ABHD12B: variants seen among roughly 807,000 people sequenced by gnomAD.
ABHD12B encodes abhydrolase domain containing 12B.
Under a neutral mutation model 50.4 loss-of-function variants are expected in ABHD12B, and 42 were observed. The observed-to-expected ratio is 0.83, with a 90% confidence interval of 0.65 to 1.08. The LOEUF is 1.08. Ranked by LOEUF, ABHD12B falls within the 50% of genes least tolerant of loss-of-function variation. The probability of loss-of-function intolerance (pLI) is 0.00; values close to 1 mark genes in which losing one functional copy is unlikely to be tolerated. For synonymous variants in ABHD12B, 167 were observed against 160.3 expected (o/e 1.04, Z -0.32); for missense variants, 479 against 447.7 (o/e 1.07, Z -0.63).
At chr14:50,896,698 A>G (rs773421977) in intron 9 of ABHD12B, among the ~76,000 whole-genome samples, 7 of 150,396 alleles carry the variant, frequency 4.7e-5, no homozygotes, top group Non-Finnish European at 8.9e-5. Context: ...CCTGCCCACC[A>G]GAGAGCAACC....
chr14:50,884,493 C>T (rs2050006173), intron 5 of ABHD12B, among the ~76,000 whole-genome samples: 1 of 152,096 alleles, frequency 6.6e-6, no homozygotes, highest in Non-Finnish European at 1.5e-5. Flanking sequence ...AGGGGCAGAC[C>T]CAGGAGTGAA....
intron 5 of ABHD12B, 50 bp downstream of exon 5, chr14:50,881,676 T>C: frequency 6.2e-7 from 1 of 1,608,406 alleles, no homozygotes; most frequent in African/African-American, 1.3e-5. Context: ...CTGTTTGATA[T>C]GTCATAAGAT....
At chr14:50,897,544 C>G (rs1034556387) in intron 9 of ABHD12B, among the ~76,000 whole-genome samples, 1 of 152,104 alleles carries the variant, frequency 6.6e-6, no homozygotes, top group Non-Finnish European at 1.5e-5. Flanking sequence ...CACTTGATCT[C>G]AACAGGACAT....
chr14:50,903,959 C>G (rs2050297687), intron 11 of ABHD12B, 115 bp from the exon 12 acceptor site: 1 of 820,414 alleles, frequency 1.2e-6, no homozygotes. Flanking sequence ...CTGTCTCTGA[C>G]TTAATGGAAC....
intron 4 of ABHD12B, among the ~76,000 whole-genome samples, chr14:50,880,799 CAAAAG>C (rs1832909984): frequency 6.6e-6 from 1 of 152,066 alleles, no homozygotes. Context: ...ATAACTCTTC[CAAAAG>C]TTGGATGTTG....
chr14:50,878,479 C>G (rs2049893529), intron 2 of ABHD12B, among the ~76,000 whole-genome samples: 1 of 152,208 alleles, frequency 6.6e-6, no homozygotes, highest in African/African-American at 2.4e-5. Flanking sequence ...AAGCTGGAGA[C>G]AAGGATAAGG....
intron 9 of ABHD12B, among the ~76,000 whole-genome samples, chr14:50,890,762 T>C (rs139435106): frequency 9.3e-4 from 142 of 152,332 alleles, no homozygotes; most frequent in Non-Finnish European, 1.5e-3. Flanking sequence ...ACAATATTGT[T>C]GTTATGAATG....
At chr14:50,895,174 A>G (rs2050180088) in intron 9 of ABHD12B, among the ~76,000 whole-genome samples, 1 of 150,126 alleles carries the variant, frequency 6.7e-6, no homozygotes, top group Admixed American at 6.6e-5. Flanking sequence ...TAAAAGGTCA[A>G]AAGGCCATCT....
intron 1 of ABHD12B, among the ~76,000 whole-genome samples, chr14:50,873,639 C>A (rs2049818069): frequency 6.6e-6 from 1 of 152,206 alleles, no homozygotes; most frequent in Admixed American, 6.5e-5. Flanking sequence ...GGCAGAATGT[C>A]CTGATTGCAC....
chr14:50,885,954 A>T (rs1452567087), intron 7 of ABHD12B, 59 bp downstream of exon 7: 1 of 1,604,942 alleles, frequency 6.2e-7, no homozygotes, highest in East Asian at 2.2e-5. Context: ...GTGTCCTATC[A>T]AAGGCAGCAG....
At chr14:50,894,852 C>T (rs946944711) in intron 9 of ABHD12B, among the ~76,000 whole-genome samples, 1 of 148,432 alleles carries the variant, frequency 6.7e-6, no homozygotes, top group Admixed American at 6.6e-5. Flanking sequence ...GACCTCTCCC[C>T]TCCTCGCCAG....
chr14:50,877,804 T>C, intron 1 of ABHD12B, 148 bp from the exon 2 acceptor site: 1 of 673,818 alleles, frequency 1.5e-6, no homozygotes, highest in African/African-American at 1.9e-5. Flanking sequence ...GAGGCAGAGG[T>C]TGCAGTGAGC....
chr14:50,904,199 G>C lies in ABHD12B; in HGVS notation c.1061+7G>C. 1 of 1,614,028 alleles carries C rather than the reference G, an allele frequency of 6.2e-7. No individual in the cohort carries two copies. Among genetic ancestry groups the C allele is most frequent in the Non-Finnish European group, 8.5e-7 (1 of 1,179,896 alleles). On this transcript the variant is annotated splice_region_variant and intron_variant, in intron 12 of 12. Coordinates refer to ENST00000337334, the MANE Select transcript of ABHD12B (RefSeq NM_001206673.2). ...CACTGTTAATAACCGTGAGGTAAGAGTTGCTTTGCTAAATGTATGTTGCCC... is the reference window on the plus strand; with the variant it reads ...CACTGTTAATAACCGTGAGGTAAGACTTGCTTTGCTAAATGTATGTTGCCC...
chr14:50,886,466 AG>A (rs1302920350), intron 7 of ABHD12B, among the ~76,000 whole-genome samples, 180 bp from the exon 8 acceptor site: 8 of 151,654 alleles, frequency 5.3e-5, no homozygotes, highest in African/African-American at 1.9e-4. Context: ...AAAGAAAGAA[AG>A]AAAGAAAATG....
intron 8 of ABHD12B, among the ~76,000 whole-genome samples, 177 bp downstream of exon 8, chr14:50,886,861 C>T (rs2050045815): frequency 6.6e-6 from 1 of 152,074 alleles, no homozygotes; most frequent in Non-Finnish European, 1.5e-5. Flanking sequence ...AAAACAAGAG[C>T]TGTTTTTTCA....
intron 9 of ABHD12B, among the ~76,000 whole-genome samples, chr14:50,897,069 TAG>T (rs1491192954): frequency 6.3e-5 from 9 of 142,136 alleles, no homozygotes; most frequent in Admixed American, 6.2e-4. Context: ...TGATTTAGTT[TAG>T]TTTTTTTTTT....
At position 50,904,693 on chromosome 14, in the gene ABHD12B, G is replaced by A. The variant is rs555120154; in HGVS notation, c.*327G>A. On this transcript the variant is annotated 3_prime_UTR_variant, in exon 13 of 13. Transcript: ENST00000337334. ...GTGAATAAGGTAGTTGCTATGGTCC[G>A]AATATCTGGGCCTGCCCCCCCAAAT... 8 of 394,186 alleles carry A rather than the reference G, an allele frequency of 2.0e-5. No individual in the cohort carries two copies. Among genetic ancestry groups the A allele is most frequent in the African/African-American group, 6.1e-5 (3 of 49,528 alleles). The allele number at this position is 394,186 out of a possible 1,614,324, so 24.4% of individuals were successfully genotyped here. A position where few individuals can be genotyped will look rare whatever the true frequency, so the allele number is the denominator to read the frequency against.
At chr14:50,900,028 C>A (rs2050245548) in intron 9 of ABHD12B, among the ~76,000 whole-genome samples, 1 of 152,058 alleles carries the variant, frequency 6.6e-6, no homozygotes, top group Admixed American at 6.6e-5. Flanking sequence ...GCTTTGAGCC[C>A]AGGAGTTCAA....
chr14:50,904,084 T>G lies in ABHD12B; in HGVS notation c.953T>G (p.Ile318Ser). Residue 318 changes from isoleucine (I) to serine (S), a missense_variant, in exon 12 of 13, where the codon ATT (isoleucine) becomes AGT (serine). Transcript: ENST00000337334. Reference protein sequence around the residue: ...PLEYGKKLYEIARNAYRNKER... With the variant: ...PLEYGKKLYESARNAYRNKER... ...TTCTGTCGCTTGCAGCTCTATGAAA[T>G]TGCACGCAATGCATACAGGAACAAA... The G allele has an allele frequency of 6.2e-7, 1 of 1,612,984 alleles. No individual in the cohort carries two copies. Among genetic ancestry groups the G allele is most frequent in the Non-Finnish European group, 8.5e-7 (1 of 1,179,490 alleles).
Sources: allele counts gnomAD v4.1 joint callset (sites outside exome capture counted in the v4.1 genomes callset), GRCh38; gene constraint gnomAD v4.1.1; transcripts MANE v1.5; gene names NCBI Gene and HGNC (gene_info 2026-07-23, HGNC 2026-07-21).